Variants in GRID1 observed in about 807,000 individuals in gnomAD.
GRID1 encodes the protein glutamate ionotropic receptor delta type subunit 1.
Under a neutral mutation model 98.0 loss-of-function variants are expected in GRID1, and 28 were observed. That is an observed-to-expected ratio of 0.29 (90% CI 0.21 to 0.39). GRID1 has a LOEUF of 0.39. Among genes scored for constraint, GRID1 ranks in the 10% least tolerant of loss-of-function variants. The pLI, the probability that GRID1 is intolerant of heterozygous loss-of-function variation, is 1.00. For missense variants in GRID1, 1,111 were observed against 1,340.5 expected (o/e 0.83, Z 2.67); for synonymous variants, 553 against 538.5 (o/e 1.03, Z -0.37).
chr10:85,905,613 G>A (rs113348915), intron 5 of GRID1, among the ~76,000 whole-genome samples: 2 of 151,940 alleles, frequency 1.3e-5, no homozygotes, highest in Admixed American at 6.6e-5. Context: ...ACATTGAGTC[G>A]GGAGGGTAAC....
chr10:85,813,673 G>A (rs1025875131), intron 8 of GRID1, among the ~76,000 whole-genome samples: 1 of 151,706 alleles, frequency 6.6e-6, no homozygotes, highest in African/African-American at 2.4e-5. Context: ...ATACCAGAGG[G>A]AAACTTGCAT....
At chr10:85,651,404 T>C (rs145401768) in intron 12 of GRID1, among the ~76,000 whole-genome samples, 1 of 152,268 alleles carries the variant, frequency 6.6e-6, no homozygotes, top group Non-Finnish European at 1.5e-5. Flanking sequence ...TTGGAGCCTA[T>C]CTCCTCAACT....
At chr10:85,608,420 A>G (rs1842696508) in intron 15 of GRID1, among the ~76,000 whole-genome samples, 1 of 152,220 alleles carries the variant, frequency 6.6e-6, no homozygotes, top group Non-Finnish European at 1.5e-5. Context: ...CCATTGATCC[A>G]GGTGCAATGA....
At chr10:85,667,165 G>T (rs1189515736) in intron 12 of GRID1, among the ~76,000 whole-genome samples, 2 of 152,178 alleles carry the variant, frequency 1.3e-5, no homozygotes, top group Admixed American at 1.3e-4. Context: ...TGTCTCCAGT[G>T]TAAATCTGCA....
chr10:85,662,757 G>A (rs745958429), intron 12 of GRID1, among the ~76,000 whole-genome samples: 31 of 152,110 alleles, frequency 2.0e-4, no homozygotes, highest in Middle Eastern at 3.2e-3. Flanking sequence ...CCACCATGCC[G>A]CCATGAAAAG....
At chr10:86,110,602 C>A (rs1024652092) in intron 4 of GRID1, among the ~76,000 whole-genome samples, 5 of 152,178 alleles carry the variant, frequency 3.3e-5, no homozygotes, top group African/African-American at 4.8e-5. Context: ...ACTGAGATGG[C>A]CATCCCAGGA....
chr10:86,090,641 AC>A (rs1844132340), intron 4 of GRID1, among the ~76,000 whole-genome samples: 1 of 152,214 alleles, frequency 6.6e-6, no homozygotes, highest in Non-Finnish European at 1.5e-5. Flanking sequence ...AACATGACAG[AC>A]AGGAGGCAGG....
chr10:85,782,230 A>C (rs1439119872), intron 8 of GRID1, among the ~76,000 whole-genome samples: 3 of 150,188 alleles, frequency 2.0e-5, no homozygotes, highest in African/African-American at 7.3e-5. Context: ...GTGCACATGC[A>C]CACACACACA....
intron 5 of GRID1, among the ~76,000 whole-genome samples, chr10:85,874,712 G>A (rs537086697): frequency 1.3e-5 from 2 of 152,152 alleles, no homozygotes; most frequent in Non-Finnish European, 2.9e-5. Context: ...AGCTTACCGT[G>A]TGGTCAGTTT....
At chr10:85,769,952 T>C (rs111384622) in intron 8 of GRID1, among the ~76,000 whole-genome samples, 24 of 152,308 alleles carry the variant, frequency 1.6e-4, no homozygotes, top group Admixed American at 5.9e-4. Context: ...TGTCCCTGTC[T>C]GACAGCTTTG....
intron 6 of GRID1, among the ~76,000 whole-genome samples, chr10:85,865,930 T>C (rs1843212886): frequency 1.7e-5 from 2 of 114,496 alleles, no homozygotes; most frequent in African/African-American, 6.9e-5. Context: ...TATATATATA[T>C]ATATATATAT....
At chr10:85,881,359 C>T (rs1406543629) in intron 5 of GRID1, among the ~76,000 whole-genome samples, 1 of 152,224 alleles carries the variant, frequency 6.6e-6, no homozygotes, top group Non-Finnish European at 1.5e-5. Context: ...CATCACACTA[C>T]CTGACGTCGA....
chr10:86,199,339 T>C lies in GRID1; in HGVS notation c.520+7025A>G, dbSNP rs148339925. Among the ~76,000 whole-genome samples the C allele has an allele frequency of 5.4e-3, 816 of 152,274 alleles. 11 individuals carry two copies. The highest frequency in any genetic ancestry group is 8.5e-3 in the Non-Finnish European group (576 of 67,990). Reference sequence around the variant, plus strand: ...AGTTTTCCATTACATGTAAATATCATAATATATTTAACCAATTTGCTGAAG... The same window carrying C: ...AGTTTTCCATTACATGTAAATATCACAATATATTTAACCAATTTGCTGAAG... On this transcript the variant is annotated intron_variant, in intron 3 of 15. Coordinates refer to ENST00000327946, the MANE Select transcript of GRID1 (RefSeq NM_017551.3).
intron 8 of GRID1, among the ~76,000 whole-genome samples, chr10:85,784,119 G>A (rs1395834350): frequency 6.6e-6 from 1 of 152,216 alleles, no homozygotes; most frequent in East Asian, 1.9e-4. Flanking sequence ...TCTTGCAAAG[G>A]AAATAATGTA....
intron 8 of GRID1, among the ~76,000 whole-genome samples, chr10:85,829,224 T>C (rs1309529986): frequency 1.3e-5 from 2 of 152,086 alleles, no homozygotes; most frequent in Non-Finnish European, 2.9e-5. Flanking sequence ...TCTCAATAAA[T>C]GTAGAAAAGG....
In GRID1 at chr10:86,365,333, G is replaced by A. The variant is rs1848660396; in HGVS notation, c.79+981C>T. On this transcript the variant is annotated intron_variant, in intron 1 of 15. Coordinates refer to ENST00000327946, the MANE Select transcript of GRID1 (RefSeq NM_017551.3). The surrounding 1 kb of genome is among the most constrained non-coding windows in gnomAD (Gnocchi z 4.8). ...TGCTCGCTGGTCTTTCCCAACTTCC[G>A]GAAAGACGACTGCGGAGGGACTCCC... Among the ~76,000 whole-genome samples the A allele has an allele frequency of 7.3e-6, 1 of 137,626 alleles. No individual in the cohort carries two copies. Among genetic ancestry groups the A allele is most frequent in the Non-Finnish European group, 1.5e-5 (1 of 66,028 alleles). 90.3% of individuals were successfully genotyped at this position (137,626 alleles called of 152,430 possible). A position where few individuals can be genotyped will look rare whatever the true frequency, so the allele number is the denominator to read the frequency against.
chr10:85,981,665 C>G (rs1324792172), intron 4 of GRID1, among the ~76,000 whole-genome samples: 1 of 152,188 alleles, frequency 6.6e-6, no homozygotes, highest in Non-Finnish European at 1.5e-5. Flanking sequence ...CGTCTTTCCC[C>G]ACTCCCACTG....
chr10:85,823,839 A>G (rs944508102), intron 8 of GRID1, among the ~76,000 whole-genome samples: 13 of 152,194 alleles, frequency 8.5e-5, no homozygotes, highest in African/African-American at 3.1e-4. Context: ...AAGAAAAATA[A>G]CTACTAGCTT....
intron 4 of GRID1, among the ~76,000 whole-genome samples, chr10:86,052,156 T>C (rs912113610): frequency 1.3e-5 from 2 of 152,116 alleles, no homozygotes; most frequent in Non-Finnish European, 2.9e-5. Context: ...TAAGACGTGC[T>C]ATGGAATAAA....
Sources: gnomAD v4.1 joint callset for allele counts (sites outside exome capture counted in the v4.1 genomes callset) on GRCh38, gnomAD v4.1.1 for gene constraint, Gnocchi (gnomAD v3.1) non-coding constraint, MANE v1.5 for transcripts, NCBI Gene and HGNC (gene_info 2026-07-23, HGNC 2026-07-21) for gene names.